Variants in CSMD1 observed in about 807,000 individuals in gnomAD.
CSMD1 encodes CUB and Sushi multiple domains 1.
Under a neutral mutation model 417.5 loss-of-function variants are expected in CSMD1, and 213 were observed. That is an observed-to-expected ratio of 0.51 (90% confidence interval 0.46 to 0.57). The LOEUF (loss-of-function observed/expected upper bound fraction) is 0.57. Among genes scored for constraint, CSMD1 ranks in the 20% least tolerant of loss-of-function variants. The pLI is 0.00. For synonymous variants in CSMD1, 2,862 were observed against 1,736.8 expected, an observed-to-expected ratio of 1.65 and a Z score of -16.11; for missense variants, 6,923 against 4,529.7, an observed-to-expected ratio of 1.53 and a Z score of -15.17.
At chr8:4,779,887 G>A (rs538753174) in intron 1 of CSMD1, among the ~76,000 whole-genome samples, 4 of 152,060 alleles carry the variant, frequency 2.6e-5, no homozygotes, top group African/African-American at 7.2e-5. Context: ...GCTGCTTCGG[G>A]GCCTTGCTTT....
intron 5 of CSMD1, among the ~76,000 whole-genome samples, chr8:3,899,469 G>A (rs532775085): frequency 7.9e-5 from 12 of 152,256 alleles, no homozygotes; most frequent in African/African-American, 1.9e-4. Context: ...TGATCCAACC[G>A]CAGAGGTGGG....
chr8:4,329,883 C>T (rs1054012860), intron 3 of CSMD1, among the ~76,000 whole-genome samples: 1 of 151,722 alleles, frequency 6.6e-6, no homozygotes, highest in Non-Finnish European at 1.5e-5. Context: ...CAGACACACA[C>T]ACTCTTTCTC....
At chr8:4,080,989 A>C (rs1476477128) in intron 3 of CSMD1, among the ~76,000 whole-genome samples, 3 of 152,168 alleles carry the variant, frequency 2.0e-5, no homozygotes, top group Non-Finnish European at 4.4e-5. Context: ...AAGAGGCTTC[A>C]CACAGTATTC....
intron 5 of CSMD1, among the ~76,000 whole-genome samples, chr8:3,893,698 A>G (rs539236387): frequency 6.6e-6 from 1 of 152,090 alleles, no homozygotes; most frequent in East Asian, 1.9e-4. Context: ...CAACCGCAGC[A>G]ACCGTGGTAA....
chr8:3,978,394 A>C (rs796953292), intron 5 of CSMD1, among the ~76,000 whole-genome samples: 29 of 152,312 alleles, frequency 1.9e-4, no homozygotes, highest in African/African-American at 6.7e-4. Context: ...CATAATTCAT[A>C]GATTTCTTCC....
chr8:4,982,201 A>C (rs542054159), intron 1 of CSMD1, among the ~76,000 whole-genome samples: 2 of 152,294 alleles, frequency 1.3e-5, no homozygotes, highest in South Asian at 4.1e-4. Context: ...TGACCCACGG[A>C]AACTATCAGG....
rs189843557 is a variant in CSMD1 at position 4,158,660 on chromosome 8, C to T, written c.416-126561G>A. On this transcript the variant is annotated intron_variant, in intron 3 of 69. Coordinates refer to ENST00000635120, the MANE Select transcript of CSMD1 (RefSeq NM_033225.6). The stretch of plus-strand genomic sequence containing the variant: ...GTTGCTGGTGGTAGTGGAAGATCAA[C>T]GCCGTAATAATGAGTATTATGGGCC... 3.3e-5 allele frequency among the ~76,000 whole-genome samples: 5 copies of T among 152,188 alleles called. No homozygotes were observed. The East Asian group carries it at 7.8e-4, about 24-fold the overall frequency.
In CSMD1 at chr8:4,267,415, A is replaced by G. The variant is rs1804287029; in HGVS notation, c.415+152538T>C. Among the ~76,000 whole-genome samples, 2 of 45,046 alleles carry G rather than the reference A, an allele frequency of 4.4e-5. 1 individual carries two copies. Among genetic ancestry groups the G allele is most frequent in the East Asian group, 1.2e-3 (2 of 1,642 alleles). 29.6% of individuals were successfully genotyped at this position (45,046 alleles called of 152,430 possible). Reference sequence around the variant, plus strand: ...ACTCTGAAAGATCTATGTGAAGAAAATGATAAGCTTCTACAGCAGAGTAAA... The same window carrying G: ...ACTCTGAAAGATCTATGTGAAGAAAGTGATAAGCTTCTACAGCAGAGTAAA... On this transcript the variant is annotated intron_variant, in intron 3 of 69. Transcript: ENST00000635120.
chr8:4,252,642 C>T (rs562690113), intron 3 of CSMD1, among the ~76,000 whole-genome samples: 4 of 152,274 alleles, frequency 2.6e-5, no homozygotes, highest in African/African-American at 4.8e-5. Context: ...AGAAGTAACA[C>T]CCAGTTTAAA....
At chr8:4,444,980 T>C (rs1460615629) in intron 2 of CSMD1, among the ~76,000 whole-genome samples, 1 of 152,222 alleles carries the variant, frequency 6.6e-6, no homozygotes, top group Non-Finnish European at 1.5e-5. Flanking sequence ...AGAAATGTTA[T>C]TTCCCTTCTC....
rs1363044269 is a variant in CSMD1, at chr8:3,189,979, C to T, written c.5331G>A (p.Thr1777=). ...TGGGCACGGACTGGCAGTGGAGCGC[C>T]GTGGAACCCTGAAGCAGGTATCCCG... ...CNPGYLLQGS[T]ALHCQSVPNA... is the part of the protein sequence containing the mutation. The change falls in exon 34 of 70, where the codon ACG becomes ACA. Residue 1777 remains threonine, a synonymous_variant. Transcript: ENST00000635120. 3 of 1,598,606 alleles carry T rather than the reference C, an allele frequency of 1.9e-6. No individual in the cohort carries two copies. The highest frequency in any genetic ancestry group is 1.3e-5 in the African/African-American group (1 of 74,702).
intron 2 of CSMD1, among the ~76,000 whole-genome samples, chr8:4,613,389 G>A (rs1487124400): frequency 6.6e-6 from 1 of 152,154 alleles, no homozygotes; most frequent in East Asian, 1.9e-4. Flanking sequence ...ATCCTAAAGA[G>A]AAATTAGAGC....
At chr8:4,754,994 C>T (rs970040328) in intron 1 of CSMD1, among the ~76,000 whole-genome samples, 11 of 151,936 alleles carry the variant, frequency 7.2e-5, no homozygotes, top group Admixed American at 3.3e-4. Flanking sequence ...AAAAATCAGC[C>T]GGGCATGGTG....
At position 4,601,532 on chromosome 8, in the gene CSMD1, T is replaced by C. The variant is rs182983863; in HGVS notation, c.302+35810A>G. Among the ~76,000 whole-genome samples, 24 of 152,300 alleles carry C rather than the reference T, an allele frequency of 1.6e-4. No individual in the cohort carries two copies. The East Asian group carries it at 3.7e-3, about 23-fold the overall frequency. On this transcript the variant is annotated intron_variant, in intron 2 of 69. Transcript: ENST00000635120. Reference sequence around the variant, plus strand: ...GGGACAGAGATCATAAAGGAACTTCTATGGTCATACAGATGATAAAAGGTA... The same window carrying C: ...GGGACAGAGATCATAAAGGAACTTCCATGGTCATACAGATGATAAAAGGTA...
chr8:4,417,724 G>C (rs577047651), intron 3 of CSMD1, among the ~76,000 whole-genome samples: 7 of 152,026 alleles, frequency 4.6e-5, no homozygotes, highest in African/African-American at 1.2e-4. Flanking sequence ...ATCAGAAAGA[G>C]AATTTTGTGA....
At chr8:4,087,455 C>G (rs373682529) in intron 3 of CSMD1, among the ~76,000 whole-genome samples, 1 of 152,156 alleles carries the variant, frequency 6.6e-6, no homozygotes, top group Admixed American at 6.5e-5. Context: ...AGAAACCACC[C>G]AACTTCTGTC....
At chr8:4,806,535 C>CGT (rs1798598378) in intron 1 of CSMD1, among the ~76,000 whole-genome samples, 1 of 152,148 alleles carries the variant, frequency 6.6e-6, no homozygotes, top group South Asian at 2.1e-4. Context: ...TTCCTGCCAC[C>CGT]GTGCTACTAG....
chr8:4,858,507 C>T (rs7815150), intron 1 of CSMD1, among the ~76,000 whole-genome samples: 63,600 of 150,448 alleles, frequency 0.42, 13,621 homozygotes, highest in Non-Finnish European at 0.46. Flanking sequence ...ATTGTATATC[C>T]AGAAAACCCC....
intron 3 of CSMD1, among the ~76,000 whole-genome samples, chr8:4,260,871 T>G (rs1441759659): frequency 6.6e-6 from 1 of 152,200 alleles, no homozygotes; most frequent in Non-Finnish European, 1.5e-5. Context: ...AGACAAATCT[T>G]AATCTTTGTC....
Sources: gnomAD v4.1 joint callset for allele counts (sites outside exome capture counted in the v4.1 genomes callset) on GRCh38, gnomAD v4.1.1 for gene constraint, MANE v1.5 for transcripts, NCBI Gene and HGNC (gene_info 2026-07-23, HGNC 2026-07-21) for gene names.